TYW1B: variants seen among roughly 807,000 people sequenced by gnomAD.
The protein encoded by TYW1B is S-adenosyl-L-methionine-dependent tRNA 4-demethylwyosine synthase TYW1B.
Under a neutral mutation model 86.9 loss-of-function variants are expected in TYW1B, and 73 were observed. The ratio of observed to expected loss-of-function variants is 0.84; its 90% CI spans 0.70 to 1.02. The LOEUF (loss-of-function observed/expected upper bound fraction) is 1.02. TYW1B is among the 50% of genes least tolerant of loss of function. The probability of loss-of-function intolerance (pLI) is 0.00; values close to 1 mark genes in which losing one functional copy is unlikely to be tolerated. For synonymous variants in TYW1B, 248 were observed against 292.8 expected (o/e 0.85, Z 1.56); for missense variants, 637 against 827.4 (o/e 0.77, Z 2.82).
rs570541513 is a variant in TYW1B, at chr7:72,677,870, T to A, written c.1506+16817A>T. Among the ~76,000 whole-genome samples the A allele has an allele frequency of 4.6e-5, 7 of 152,052 alleles. No homozygotes were observed. In the Middle Eastern group the frequency reaches 0.01, roughly 222 times the overall value. Reference sequence around the variant, plus strand: ...GTGCCTGCCACCATGCCCGGCTAATTTTTGTATTTTTAGTACTGACAGGGT... The same window carrying A: ...GTGCCTGCCACCATGCCCGGCTAATATTTGTATTTTTAGTACTGACAGGGT... On this transcript the variant is annotated intron_variant, in intron 11 of 13. Transcript: ENST00000620995.
chr7:72,640,259 G>A (rs1257956778), intron 11 of TYW1B, among the ~76,000 whole-genome samples: 2 of 151,986 alleles, frequency 1.3e-5, no homozygotes, highest in Non-Finnish European at 2.9e-5. Flanking sequence ...CGTATTTCAT[G>A]CAAACAGATA....
intron 6 of TYW1B, among the ~76,000 whole-genome samples, chr7:72,799,771 C>CTT (rs1488548211): frequency 1.3e-5 from 2 of 152,104 alleles, no homozygotes; most frequent in Non-Finnish European, 2.9e-5. Flanking sequence ...GCAGGTCTGC[C>CTT]TTTTTTTTAA....
intron 7 of TYW1B, among the ~76,000 whole-genome samples, chr7:72,774,062 C>CAAAAAAAAA (rs35480783): frequency 5.5e-5 from 3 of 54,800 alleles, no homozygotes; most frequent in Admixed American, 1.9e-4. Flanking sequence ...AACTCCATCT[C>CAAAAAAAAA]AAAAAAAAAA....
chr7:72,597,077 A>G (rs1811554129), intron 13 of TYW1B, among the ~76,000 whole-genome samples: 1 of 152,064 alleles, frequency 6.6e-6, no homozygotes, highest in Non-Finnish European at 1.5e-5. Flanking sequence ...TCTGCACACC[A>G]AGCCACATAA....
At chr7:72,671,707 A>G (rs1813605009) in intron 11 of TYW1B, among the ~76,000 whole-genome samples, 1 of 151,964 alleles carries the variant, frequency 6.6e-6, no homozygotes, top group African/African-American at 2.4e-5. Flanking sequence ...ATTGGCTTAT[A>G]GGTCTTTATT....
At chr7:72,783,204 G>A (rs1265706669) in intron 6 of TYW1B, among the ~76,000 whole-genome samples, 3 of 152,052 alleles carry the variant, frequency 2.0e-5, no homozygotes, top group Non-Finnish European at 4.4e-5. Flanking sequence ...TTCGAGAACA[G>A]CCTGGCCAAC....
At chr7:72,638,923 C>T (rs1243373476) in intron 11 of TYW1B, among the ~76,000 whole-genome samples, 2 of 152,142 alleles carry the variant, frequency 1.3e-5, no homozygotes, top group Non-Finnish European at 2.9e-5. Context: ...GAAACACAGA[C>T]TATATTAAAA....
intron 10 of TYW1B, 124 bp from the exon 11 acceptor site, chr7:72,694,946 C>A: frequency 9.9e-7 from 1 of 1,005,398 alleles, no homozygotes; most frequent in Non-Finnish European, 1.3e-6. Flanking sequence ...CTTCCACTTC[C>A]CCCAAAAGAC....
At position 72,678,619 on chromosome 7, in the gene TYW1B, C is replaced by CA. The variant is rs1277384014; in HGVS notation, c.1506+16067_1506+16068insT. Among the ~76,000 whole-genome samples the CA allele has an allele frequency of 8.1e-5, 9 of 110,432 alleles. No individual in the cohort carries two copies. In the Admixed American group the frequency reaches 8.7e-4, roughly 11 times the overall value. 72.4% of individuals were successfully genotyped at this position (110,432 alleles called of 152,430 possible). On this transcript the variant is annotated intron_variant, in intron 11 of 13. Transcript: ENST00000620995. ...GTGGCTCACACCTGTAATTCCAGCACTTTTTTTTTTTTTTTTTTTTTTTGA... is the reference window on the plus strand; with the variant it reads ...GTGGCTCACACCTGTAATTCCAGCACATTTTTTTTTTTTTTTTTTTTTTTGA...
At chr7:72,686,460 T>A (rs1189837091) in intron 11 of TYW1B, among the ~76,000 whole-genome samples, 2 of 152,164 alleles carry the variant, frequency 1.3e-5, no homozygotes, top group Non-Finnish European at 2.9e-5. Flanking sequence ...CTGAAAAGGC[T>A]ACATACGGTA....
chr7:72,630,716 G>A (rs1451744267), intron 11 of TYW1B, among the ~76,000 whole-genome samples: 2 of 152,124 alleles, frequency 1.3e-5, no homozygotes, highest in African/African-American at 4.8e-5. Flanking sequence ...GTACTCAAAA[G>A]TTCCTTCTAA....
chr7:72,607,873 G>C (rs1811841944), intron 13 of TYW1B, among the ~76,000 whole-genome samples: 2 of 150,858 alleles, frequency 1.3e-5, no homozygotes, highest in South Asian at 4.2e-4. Context: ...CAAAACAACA[G>C]ACCCAAAGAA....
intron 9 of TYW1B, among the ~76,000 whole-genome samples, chr7:72,715,343 C>T (rs1786758586): frequency 6.6e-6 from 1 of 152,190 alleles, no homozygotes; most frequent in African/African-American, 2.4e-5. Flanking sequence ...AAATCACGGT[C>T]TCTGGGGAGG....
At chr7:72,668,983 C>G (rs748063986) in intron 11 of TYW1B, among the ~76,000 whole-genome samples, 1 of 152,020 alleles carries the variant, frequency 6.6e-6, no homozygotes, top group Non-Finnish European at 1.5e-5. Context: ...GTAACTATAT[C>G]CCCCTGCCTA....
At chr7:72,605,530 T>C (rs1347873012) in intron 13 of TYW1B, among the ~76,000 whole-genome samples, 1 of 152,032 alleles carries the variant, frequency 6.6e-6, no homozygotes, top group Admixed American at 6.6e-5. Context: ...ATTTTTGTAT[T>C]TATAGTAGAG....
intron 4 of TYW1B, among the ~76,000 whole-genome samples, chr7:72,807,746 A>G (rs1585999400): frequency 6.6e-6 from 1 of 152,240 alleles, no homozygotes; most frequent in East Asian, 1.9e-4. Context: ...ATTCCGTTAT[A>G]AAATGAAAAT....
At chr7:72,675,024 T>C (rs1813702987) in intron 11 of TYW1B, among the ~76,000 whole-genome samples, 1 of 152,208 alleles carries the variant, frequency 6.6e-6, no homozygotes. Context: ...CTTTTAGTTC[T>C]AGCATCTTTC....
At position 72,777,520 on chromosome 7, in the gene TYW1B, T is replaced by C; in HGVS notation, c.860A>G (p.Gln287Arg). Residue 287 changes from glutamine to arginine, a missense_variant, in exon 7 of 14, where the codon CAG becomes CGG. Physicochemically the swap from Gln to Arg is conservative, Grantham distance 43. Coordinates refer to ENST00000620995, the MANE Select transcript of TYW1B (RefSeq NM_001145440.3). ...GAACAAACCAGACTTCTCTTCCTGC[T>C]GTTCCTTTTCTCTCTGCATTAAAAT... ...HVKKEKREKEQQEEKSGLFRN... is the reference protein window; with the variant it reads ...HVKKEKREKERQEEKSGLFRN... The C allele has an allele frequency of 1.2e-6, 2 of 1,613,898 alleles. No homozygotes were observed. The highest frequency in any genetic ancestry group is 4.5e-5 in the East Asian group (2 of 44,868).
intron 11 of TYW1B, among the ~76,000 whole-genome samples, chr7:72,677,605 G>A (rs1365759986): frequency 6.6e-6 from 1 of 152,160 alleles, no homozygotes; most frequent in Non-Finnish European, 1.5e-5. Context: ...GACAGCTTCC[G>A]CTTCCTGGCC....
Sources: gnomAD v4.1 joint callset for allele counts (sites outside exome capture counted in the v4.1 genomes callset) on GRCh38, gnomAD v4.1.1 for gene constraint, MANE v1.5 for transcripts, NCBI Gene and HGNC (gene_info 2026-07-23, HGNC 2026-07-21) for gene names.